IL5RA: variants seen among roughly 807,000 people sequenced by gnomAD.
IL5RA encodes the protein interleukin 5 receptor subunit alpha, also known as interleukin-5 receptor subunit alpha.
In IL5RA, 49 loss-of-function variants were observed where a neutral mutation model predicts 50.0. The ratio of observed to expected loss-of-function variants is 0.98; its 90% confidence interval spans 0.78 to 1.24. The LOEUF (loss-of-function observed/expected upper bound fraction) is 1.24, where lower values mean the gene tolerates loss of function less well. IL5RA is among the 50% of genes most tolerant of loss of function. The pLI, the probability that IL5RA is intolerant of heterozygous loss-of-function variation, is 0.00. For synonymous variants in IL5RA, 202 were observed against 174.0 expected (o/e 1.16, Z -1.26); for missense variants, 600 against 500.4 (o/e 1.20, Z -1.90).
intron 11 of IL5RA, among the ~76,000 whole-genome samples, chr3:3,071,589 G>C (rs915189723): frequency 3.1e-5 from 2 of 64,446 alleles, no homozygotes; most frequent in African/African-American, 1.2e-4. Context: ...GTGTGTGTGT[G>C]TGTGTGTATT....
intron 8 of IL5RA, among the ~76,000 whole-genome samples, chr3:3,094,345 A>T (rs1163311025): frequency 6.6e-6 from 1 of 152,202 alleles, no homozygotes; most frequent in Non-Finnish European, 1.5e-5. Context: ...AACCTCATAA[A>T]AGTAGAATCA....
At chr3:3,090,341 A>G (rs1574992036) in intron 9 of IL5RA, 1 of 956,598 alleles carries the variant, frequency 1.0e-6, no homozygotes, top group East Asian at 2.4e-5. Context: ...CTTTCTATGT[A>G]AGGCTCCAGT....
At chr3:3,109,124 G>C (rs1246592827) in intron 1 of IL5RA, among the ~76,000 whole-genome samples, 3 of 151,790 alleles carry the variant, frequency 2.0e-5, no homozygotes, top group Non-Finnish European at 4.4e-5. Context: ...AAATATTCTC[G>C]CTCTGTCTCT....
rs1702232402 is a variant in IL5RA, at chr3:3,069,668, CACAT to C, written c.*553_*556del. On this transcript the variant is annotated 3_prime_UTR_variant, in exon 12 of 12. Transcript: ENST00000446632. ...TCTCTCTCTCTCTCTCTCATACACA[CACAT>C]ACACAATCTACCTAGAAAAAGATCA... 2 of 148,716 alleles carry C rather than the reference CACAT, an allele frequency of 1.3e-5. No homozygotes were observed. The highest frequency in any genetic ancestry group is 4.9e-5 in the African/African-American group (2 of 40,436). 9.2% of individuals were successfully genotyped at this position (148,716 alleles called of 1,614,324 possible). A position where few individuals can be genotyped will look rare whatever the true frequency, so the allele number is the denominator to read the frequency against.
At chr3:3,091,283 C>T (rs1317857643) in intron 9 of IL5RA, among the ~76,000 whole-genome samples, 2 of 152,006 alleles carry the variant, frequency 1.3e-5, no homozygotes, top group Admixed American at 6.6e-5. Context: ...CTACTCGTTG[C>T]CAGAGTTCAG....
In IL5RA at chr3:3,068,105, G is replaced by A. The variant is rs1235216380; in HGVS notation, c.*2120C>T. On this transcript the variant is annotated 3_prime_UTR_variant, in exon 12 of 12. Coordinates refer to ENST00000446632, the MANE Select transcript of IL5RA (RefSeq NM_175726.4). Reference sequence around the variant, plus strand: ...CTCTCCTGGAGCAGCAGTTCTCCGAGTGTGTCCTGGAGACCAGCAGCATGA... The same window carrying A: ...CTCTCCTGGAGCAGCAGTTCTCCGAATGTGTCCTGGAGACCAGCAGCATGA... The A allele has an allele frequency of 6.6e-6, 1 of 152,222 alleles. No homozygotes were observed. The highest frequency in any genetic ancestry group is 2.4e-5 in the African/African-American group (1 of 41,430). The allele number at this position is 152,222 out of a possible 1,614,324, so 9.4% of individuals were successfully genotyped here.
At position 3,104,953 on chromosome 3, in the gene IL5RA, A is replaced by G. The variant is rs755178766; in HGVS notation, c.32T>C (p.Leu11Pro). Residue 11 changes from leucine to proline, a missense_variant, in exon 3 of 12, where the codon CTT becomes CCT. Leu to Pro is a moderately conservative substitution (Grantham distance 98). Transcript: ENST00000446632. MIIVAHVLLI[L>P]LGATEILQAD... ...TTGCAGTATCTCAGTGGCCCCCAAA[A>G]GGATGAGTAATACATGCGCCACGAT... 1 of 1,613,162 alleles carries G rather than the reference A, an allele frequency of 6.2e-7. No homozygotes were observed. The highest frequency in any genetic ancestry group is 8.5e-7 in the Non-Finnish European group (1 of 1,179,198).
At chr3:3,075,203 C>CTTTTTTTTTTT (rs10642608) in intron 10 of IL5RA, among the ~76,000 whole-genome samples, 16 of 69,970 alleles carry the variant, frequency 2.3e-4, no homozygotes, top group Non-Finnish European at 2.7e-4. Context: ...AGTTTACTTA[C>CTTTTTTTTTTT]TTTTTTTTTT....
At chr3:3,106,274 G>A (rs1703917148) in intron 2 of IL5RA, among the ~76,000 whole-genome samples, 1 of 152,134 alleles carries the variant, frequency 6.6e-6, no homozygotes, top group African/African-American at 2.4e-5. Flanking sequence ...TATAATTCCA[G>A]TAGAACCACA....
At chr3:3,091,970 A>G (rs1703132093) in intron 9 of IL5RA, 9 of 1,210,274 alleles carry the variant, frequency 7.4e-6, no homozygotes, top group Non-Finnish European at 7.2e-6. Flanking sequence ...ATAGAAGTAG[A>G]AACAAAACTT....
At chr3:3,107,018 T>G (rs1703954664) in intron 2 of IL5RA, among the ~76,000 whole-genome samples, 1 of 152,152 alleles carries the variant, frequency 6.6e-6, no homozygotes, top group Non-Finnish European at 1.5e-5. Context: ...GAGCAAGCAC[T>G]CTCCCCTAGA....
chr3:3,076,698 G>GACCC, intron 9 of IL5RA, 71 bp from the exon 10 acceptor site: 1 of 980,228 alleles, frequency 1.0e-6, no homozygotes, highest in Non-Finnish European at 1.6e-6. Context: ...AAGAAATGAT[G>GACCC]AGGCTTGGGT....
At chr3:3,099,774 G>A (rs1206149660) in intron 5 of IL5RA, among the ~76,000 whole-genome samples, 1 of 151,772 alleles carries the variant, frequency 6.6e-6, no homozygotes, top group Non-Finnish European at 1.5e-5. Flanking sequence ...GGTTCAAGCA[G>A]TTCTCCTGCC....
chr3:3,089,259 GT>G (rs951602620), intron 9 of IL5RA, among the ~76,000 whole-genome samples: 8 of 152,202 alleles, frequency 5.3e-5, no homozygotes, highest in African/African-American at 1.9e-4. Flanking sequence ...GGCTGAGCTG[GT>G]TGTGTGTTGC....
At chr3:3,099,001 C>A (rs893598757) in intron 5 of IL5RA, among the ~76,000 whole-genome samples, 2 of 152,114 alleles carry the variant, frequency 1.3e-5, no homozygotes, top group Non-Finnish European at 2.9e-5. Context: ...TGTAAAGGAG[C>A]GGGTTGGTAC....
intron 2 of IL5RA, among the ~76,000 whole-genome samples, chr3:3,108,079 G>T (rs1704013596): frequency 6.6e-6 from 1 of 152,166 alleles, no homozygotes; most frequent in African/African-American, 2.4e-5. Flanking sequence ...AAGCAACTGA[G>T]AGGATTCATG....
chr3:3,106,556 T>TA (rs202115853), intron 2 of IL5RA, among the ~76,000 whole-genome samples: 356 of 149,784 alleles, frequency 2.4e-3, no homozygotes, highest in African/African-American at 7.7e-3. Context: ...ATGTAGAAAT[T>TA]AAAAAAAAAA....
chr3:3,074,017 G>A (rs1386549668), intron 11 of IL5RA, among the ~76,000 whole-genome samples: 2 of 152,198 alleles, frequency 1.3e-5, no homozygotes, highest in African/African-American at 4.8e-5. Context: ...ATTTCCTACA[G>A]AAATGCCAAG....
At position 3,107,249 on chromosome 3, in the gene IL5RA, ATT is replaced by A. The variant is rs5846243; in HGVS notation, c.-4+1299_-4+1300del. Among the ~76,000 whole-genome samples the A allele has an allele frequency of 1.4e-3, 207 of 148,472 alleles. 1 individual carries two copies. Among genetic ancestry groups the A allele is most frequent in the African/African-American group, 3.9e-3 (157 of 40,150 alleles). On this transcript the variant is annotated intron_variant, in intron 2 of 11. Transcript: ENST00000446632. ...GGGTCTAAATATTAAAAAGAATGAC[ATT>A]TTTTTTTTTTTGTGAGTCAGATAAA...
Sources: gnomAD v4.1 joint callset for allele counts (sites outside exome capture counted in the v4.1 genomes callset) on GRCh38, gnomAD v4.1.1 for gene constraint, MANE v1.5 for transcripts, NCBI Gene and HGNC (gene_info 2026-07-23, HGNC 2026-07-21) for gene names.